Variants in KCNQ3 observed in about 807,000 individuals in gnomAD.
KCNQ3 encodes the protein potassium voltage-gated channel subfamily KQT member 3.
A neutral mutation model predicts 92.5 loss-of-function variants in KCNQ3; 30 were observed. The observed-to-expected ratio is 0.32, with a 90% CI of 0.24 to 0.44. The LOEUF is 0.44. Ranked by LOEUF, KCNQ3 falls within the 20% of genes least tolerant of loss-of-function variation. The pLI, the probability that KCNQ3 is intolerant of heterozygous loss-of-function variation, is 1.00. For missense variants in KCNQ3, 913 were observed against 1,140.3 expected (o/e 0.80, Z 2.87); for synonymous variants, 450 against 468.8 (o/e 0.96, Z 0.52).
At chr8:132,381,793 T>C (rs1172479617) in intron 1 of KCNQ3, among the ~76,000 whole-genome samples, 1 of 152,192 alleles carries the variant, frequency 6.6e-6, no homozygotes, top group Non-Finnish European at 1.5e-5. Context: ...AGAGAGACCT[T>C]CCCTTTACTT....
intron 1 of KCNQ3, among the ~76,000 whole-genome samples, chr8:132,367,895 C>T (rs527280341): frequency 4.9e-4 from 74 of 152,230 alleles, no homozygotes; most frequent in African/African-American, 1.7e-3. Flanking sequence ...AGAATATGAC[C>T]GGGCATGCAG....
At chr8:132,378,432 A>G (rs945421199) in intron 1 of KCNQ3, among the ~76,000 whole-genome samples, 2 of 152,184 alleles carry the variant, frequency 1.3e-5, no homozygotes, top group African/African-American at 4.8e-5. Flanking sequence ...ATTAAAAAGG[A>G]GGTAAATATA....
chr8:132,193,422 C>T (rs1187185531), intron 1 of KCNQ3, among the ~76,000 whole-genome samples: 4 of 152,310 alleles, frequency 2.6e-5, no homozygotes, highest in East Asian at 3.9e-4. Flanking sequence ...GGAACCAGTG[C>T]GAGCTGTCCA....
intron 1 of KCNQ3, among the ~76,000 whole-genome samples, chr8:132,373,915 A>G (rs1413907894): frequency 6.6e-6 from 1 of 152,064 alleles, no homozygotes; most frequent in African/African-American, 2.4e-5. Context: ...GTGGAGAGTC[A>G]TGTTGCCAGA....
intron 14 of KCNQ3, among the ~76,000 whole-genome samples, chr8:132,131,328 C>G (rs2469622): frequency 0.32 from 48,179 of 152,056 alleles, 8,560 homozygotes; most frequent in Non-Finnish European, 0.41. Flanking sequence ...TAGAGTTAGG[C>G]AGATGATGCT....
intron 1 of KCNQ3, among the ~76,000 whole-genome samples, chr8:132,210,724 T>C (rs1447157920): frequency 6.6e-6 from 1 of 152,202 alleles, no homozygotes; most frequent in Non-Finnish European, 1.5e-5. Context: ...TAGAGATGTA[T>C]GGCAGCTTGC....
intron 1 of KCNQ3, among the ~76,000 whole-genome samples, chr8:132,313,568 CATT>C (rs1563854541): frequency 6.6e-6 from 1 of 151,768 alleles, no homozygotes; most frequent in Non-Finnish European, 1.5e-5. Flanking sequence ...TGATCAAAGT[CATT>C]ATCTATTCTT....
chr8:132,405,739 A>G (rs907645576), intron 1 of KCNQ3, among the ~76,000 whole-genome samples: 1 of 152,224 alleles, frequency 6.6e-6, no homozygotes, highest in Non-Finnish European at 1.5e-5. Context: ...TCTTCATTCC[A>G]TCAACATTTC....
At chr8:132,304,421 T>C (rs1586911931) in intron 1 of KCNQ3, among the ~76,000 whole-genome samples, 1 of 152,300 alleles carries the variant, frequency 6.6e-6, no homozygotes, top group South Asian at 2.1e-4. Flanking sequence ...ACCATTGTAA[T>C]TGGTGTCCAT....
intron 1 of KCNQ3, among the ~76,000 whole-genome samples, chr8:132,307,349 T>G (rs988509033): frequency 1.3e-5 from 2 of 152,142 alleles, no homozygotes; most frequent in East Asian, 3.9e-4. Flanking sequence ...CATACGCCCC[T>G]TAGGTTTGTG....
intron 1 of KCNQ3, among the ~76,000 whole-genome samples, chr8:132,205,282 G>A (rs1280432928): frequency 6.6e-6 from 1 of 152,160 alleles, no homozygotes; most frequent in African/African-American, 2.4e-5. Flanking sequence ...TTCTAAGGTG[G>A]GAGAAACAAA....
intron 9 of KCNQ3, among the ~76,000 whole-genome samples, chr8:132,159,633 G>A (rs902481790): frequency 1.3e-5 from 2 of 152,176 alleles, no homozygotes; most frequent in African/African-American, 4.8e-5. Flanking sequence ...CTGATATGGA[G>A]AAAGTCGGCT....
chr8:132,341,118 G>A (rs73343817), intron 1 of KCNQ3, among the ~76,000 whole-genome samples: 10,711 of 152,278 alleles, frequency 0.07, 429 homozygotes, highest in South Asian at 0.16. Flanking sequence ...CTACCGGACA[G>A]TTCTGGTCTA....
intron 1 of KCNQ3, among the ~76,000 whole-genome samples, chr8:132,188,184 T>C (rs1055558196): frequency 6.6e-6 from 1 of 152,194 alleles, no homozygotes; most frequent in African/African-American, 2.4e-5. Flanking sequence ...TCATCTCATC[T>C]GGGGAATGAG....
intron 10 of KCNQ3, 93 bp from the exon 11 acceptor site, chr8:132,140,271 A>G: frequency 1.3e-6 from 1 of 789,746 alleles, no homozygotes; most frequent in South Asian, 1.5e-5. Context: ...ACGCCTCTGG[A>G]TGTGTCAATC....
At chr8:132,171,953 T>C (rs1458395873) in intron 7 of KCNQ3, among the ~76,000 whole-genome samples, 2 of 151,622 alleles carry the variant, frequency 1.3e-5, no homozygotes, top group Non-Finnish European at 2.9e-5. Flanking sequence ...TGCAGGAGTT[T>C]GAGGCCAGCC....
chr8:132,289,348 A>C (rs1816775196), intron 1 of KCNQ3, among the ~76,000 whole-genome samples: 1 of 152,164 alleles, frequency 6.6e-6, no homozygotes. Flanking sequence ...AAGTTACCCA[A>C]AGTTGGTGAC....
At chr8:132,368,185 A>AT (rs1334633417) in intron 1 of KCNQ3, among the ~76,000 whole-genome samples, 3 of 152,266 alleles carry the variant, frequency 2.0e-5, no homozygotes, top group Admixed American at 6.5e-5. Flanking sequence ...AACATTATTC[A>AT]TTTTTTGAGG....
chr8:132,416,209 T>C (rs1207257105), intron 1 of KCNQ3, among the ~76,000 whole-genome samples: 2 of 152,238 alleles, frequency 1.3e-5, no homozygotes, highest in Non-Finnish European at 2.9e-5. Context: ...TTAAGTTCTA[T>C]AAATATTCAT....
Sources: gnomAD v4.1 joint callset for allele counts (sites outside exome capture counted in the v4.1 genomes callset) on GRCh38, gnomAD v4.1.1 for gene constraint, MANE v1.5 for transcripts, NCBI Gene and HGNC (gene_info 2026-07-23, HGNC 2026-07-21) for gene names.